Variants in EXD3 observed in about 807,000 individuals in gnomAD.
EXD3 encodes exonuclease 3'-5' domain containing 3, also known as exonuclease mut-7 homolog.
In EXD3, 92 loss-of-function variants were observed where a neutral mutation model predicts 98.0. The ratio of observed to expected loss-of-function variants is 0.94; its 90% confidence interval spans 0.79 to 1.12. EXD3 has a LOEUF of 1.12. Among genes scored for constraint, EXD3 ranks in the 50% most tolerant of loss-of-function variants. EXD3 has a pLI of 0.00. For missense variants in EXD3, 1,222 were observed against 1,191.6 expected, an observed-to-expected ratio of 1.03 and a Z score of -0.38; for synonymous variants, 569 against 526.0, an observed-to-expected ratio of 1.08 and a Z score of -1.12.
chr9:137,348,912 A>AC lies in EXD3; in HGVS notation c.1830+197dup, dbSNP rs1042271144. On this transcript the variant is annotated intron_variant, in intron 16 of 21. Coordinates refer to ENST00000340951, the MANE Select transcript of EXD3 (RefSeq NM_017820.5). ...GGGCACGGCTGCCTCCTGAGCAGTG[A>AC]CCCCCCAGGCAAGCGCAGCCCCCGT... Among the ~76,000 whole-genome samples the AC allele has an allele frequency of 1.1e-4, 16 of 151,586 alleles. 1 individual carries two copies. Among genetic ancestry groups the AC allele is most frequent in the East Asian group, 9.7e-4 (5 of 5,136 alleles).
Position 137,393,042 on chromosome 9 carries a change from CA to C in EXD3, c.55+2260del. 1 of 651,702 alleles carries C rather than the reference CA, an allele frequency of 1.5e-6. No individual in the cohort carries two copies. Among genetic ancestry groups the C allele is most frequent in the East Asian group, 2.8e-5 (1 of 36,276 alleles). 40.4% of individuals were successfully genotyped at this position (651,702 alleles called of 1,614,324 possible). On this transcript the variant is annotated intron_variant, in intron 2 of 21. Coordinates refer to ENST00000340951, the MANE Select transcript of EXD3 (RefSeq NM_017820.5). This position sits in a 1 kb window ranked among gnomAD's most constrained non-coding sequence, Gnocchi z 4.6. Reference sequence around the variant, plus strand: ...GTTCCAGGGAGGGCCATTAGTGTTCCAGGGGGTGCTGAGGCTGTTCCAGGGG... The same window carrying C: ...GTTCCAGGGAGGGCCATTAGTGTTCCGGGGGTGCTGAGGCTGTTCCAGGGG...
chr9:137,393,359 C>T lies in EXD3; in HGVS notation c.55+1944G>A, dbSNP rs781176464. Reference sequence around the variant, plus strand: ...CCCACACAGGTGCAGGCCCGGGGCCCGCAGATGGCCTCAGAGGAGGCGGTG... The same window carrying T: ...CCCACACAGGTGCAGGCCCGGGGCCTGCAGATGGCCTCAGAGGAGGCGGTG... On this transcript the variant is annotated intron_variant, in intron 2 of 21. Transcript: ENST00000340951. This position sits in a 1 kb window ranked among gnomAD's most constrained non-coding sequence, Gnocchi z 4.6. The T allele has an allele frequency of 1.2e-4, 82 of 659,350 alleles. No homozygotes were observed. Among genetic ancestry groups the T allele is most frequent in the East Asian group, 9.8e-4 (36 of 36,616 alleles). The allele number at this position is 659,350 out of a possible 1,614,324, so 40.8% of individuals were successfully genotyped here. A position where few individuals can be genotyped will look rare whatever the true frequency, so the allele number is the denominator to read the frequency against.
At chr9:137,344,648 G>A (rs1337882901) in intron 17 of EXD3, among the ~76,000 whole-genome samples, 1 of 152,178 alleles carries the variant, frequency 6.6e-6, no homozygotes, top group Non-Finnish European at 1.5e-5. Context: ...AGCATCTTTT[G>A]CCATCTGGAC....
intron 17 of EXD3, among the ~76,000 whole-genome samples, chr9:137,328,077 T>A (rs1588259867): frequency 1.4e-5 from 2 of 141,698 alleles, no homozygotes; most frequent in African/African-American, 2.6e-5. Flanking sequence ...ACAACTAACA[T>A]ACTCCCATAT....
chr9:137,322,143 C>T (rs1296510157), intron 19 of EXD3, among the ~76,000 whole-genome samples: 2 of 152,186 alleles, frequency 1.3e-5, no homozygotes, highest in Non-Finnish European at 2.9e-5. Context: ...ACCAAGCAGA[C>T]GCAGGCTGTC....
In EXD3 at chr9:137,385,972, T is replaced by C. The variant is rs969281606; in HGVS notation, c.56-2595A>G. 3.9e-5 allele frequency among the ~76,000 whole-genome samples: 6 copies of C among 152,092 alleles called. No homozygotes were observed. Among genetic ancestry groups the C allele is most frequent in the African/African-American group, 1.2e-4 (5 of 41,420 alleles). ...CAGGAAAGTGGTTAAAATGGTAAAT[T>C]TCATGTTATGTATATTTCACATATT... On this transcript the variant is annotated intron_variant, in intron 2 of 21. Coordinates refer to ENST00000340951, the MANE Select transcript of EXD3 (RefSeq NM_017820.5). The surrounding 1 kb of genome is among the most constrained non-coding windows in gnomAD (Gnocchi z 4.4).
At chr9:137,421,085 G>T (rs1838492415) in intron 1 of EXD3, among the ~76,000 whole-genome samples, 1 of 152,132 alleles carries the variant, frequency 6.6e-6, no homozygotes, top group Admixed American at 6.5e-5. Context: ...CAAAGTGCTG[G>T]GATTACAGGC....
At position 137,338,191 on chromosome 9, in the gene EXD3, G is replaced by A. The variant is rs115155657; in HGVS notation, c.1998+9880C>T. ...AAATTTCCAAAATTGGAAATATACA[G>A]ACTATTTTCCTGAAGTTAGGTTAGA... On this transcript the variant is annotated intron_variant, in intron 17 of 21. Transcript: ENST00000340951. Among the ~76,000 whole-genome samples the A allele has an allele frequency of 6.8e-3, 1,030 of 152,186 alleles. 10 individuals carry two copies. The highest frequency in any genetic ancestry group is 0.023 in the African/African-American group (942 of 41,500).
chr9:137,327,446 T>C (rs969422087), intron 17 of EXD3, among the ~76,000 whole-genome samples: 137 of 152,268 alleles, frequency 9.0e-4, no homozygotes, highest in African/African-American at 3.2e-3. Flanking sequence ...ATGGAGTCTT[T>C]GGGATGATAC....
In EXD3 at chr9:137,373,065, A is replaced by G; in HGVS notation, c.302T>C (p.Leu101Pro). The change falls in exon 5 of 22, where the codon CTG becomes CCG. Residue 101 changes from leucine (L) to proline (P), a missense_variant. By Grantham distance (98) the Leu-to-Pro change is moderately conservative (BLOSUM62 -3). Transcript: ENST00000340951. ...TCGGGCCTGCAGCTGCTTCAGCCTC[A>G]GGCTGTGCTGGAAGAGCAGGGACCC... The part of the protein sequence containing the change: ...QPCPSLAQHS[L>P]RLKQLQARAV... 6.3e-7 allele frequency: 1 copy of G among 1,575,678 alleles called. No individual in the cohort carries two copies. Among genetic ancestry groups the G allele is most frequent in the South Asian group, 1.2e-5 (1 of 86,638 alleles).
chr9:137,336,652 C>T (rs1225456175), intron 17 of EXD3, among the ~76,000 whole-genome samples: 32 of 73,402 alleles, frequency 4.4e-4, no homozygotes, highest in Admixed American at 1.0e-3. Context: ...AGTGAGACTC[C>T]GTCTAAAAAA....
intron 8 of EXD3, among the ~76,000 whole-genome samples, chr9:137,355,476 G>GAAGGAGGAAGGAGGAAGGAGGAAGGAGA (rs1564508144): frequency 2.8e-5 from 2 of 72,114 alleles, no homozygotes; most frequent in African/African-American, 6.0e-5. Flanking sequence ...GAGGAAGGAG[G>GAAGGAGGAAGGAGGAAGGAGGAAGGAGA]AAGGAGGAAG....
At chr9:137,390,059 T>C (rs1258484878) in intron 2 of EXD3, among the ~76,000 whole-genome samples, 3 of 130,162 alleles carry the variant, frequency 2.3e-5, no homozygotes, top group Non-Finnish European at 3.1e-5. Context: ...GAGGTGGAGG[T>C]TGCAGTGAGC....
chr9:137,416,990 G>A (rs1385730577), intron 1 of EXD3, among the ~76,000 whole-genome samples: 1 of 152,208 alleles, frequency 6.6e-6, no homozygotes, highest in Non-Finnish European at 1.5e-5. Context: ...CTCCACGGGA[G>A]GGTCTGACCA....
At chr9:137,327,552 T>C (rs1396616501) in intron 17 of EXD3, among the ~76,000 whole-genome samples, 1 of 152,058 alleles carries the variant, frequency 6.6e-6, no homozygotes, top group South Asian at 2.1e-4. Context: ...AAATGGTCAA[T>C]TTCGTGTTAT....
chr9:137,366,745 C>A, intron 6 of EXD3, 113 bp from the exon 7 acceptor site: 1 of 1,351,220 alleles, frequency 7.4e-7, no homozygotes, highest in Non-Finnish European at 9.9e-7. Context: ...GCCCAGAGGC[C>A]GTCCAGGCCC....
At chr9:137,330,133 C>T (rs1461092834) in intron 17 of EXD3, among the ~76,000 whole-genome samples, 2 of 118,722 alleles carry the variant, frequency 1.7e-5, no homozygotes, top group Non-Finnish European at 3.4e-5. Flanking sequence ...ACAGGAGCTA[C>T]ACAGGAACTA....
At chr9:137,365,912 C>T (rs1835222653) in intron 7 of EXD3, 1 of 411,068 alleles carries the variant, frequency 2.4e-6, no homozygotes, top group Non-Finnish European at 4.8e-6. Flanking sequence ...CATACATGCA[C>T]ACACATGCAC....
chr9:137,373,212 G>T, intron 4 of EXD3, 140 bp from the exon 5 acceptor site: 1 of 1,175,826 alleles, frequency 8.5e-7, no homozygotes, highest in Non-Finnish European at 1.2e-6. Flanking sequence ...CAGGGCTGGG[G>T]CACGGGAGGG....
Sources: allele counts gnomAD v4.1 joint callset (sites outside exome capture counted in the v4.1 genomes callset), GRCh38; gene constraint gnomAD v4.1.1; non-coding constraint Gnocchi (gnomAD v3.1); transcripts MANE v1.5; gene names NCBI Gene and HGNC (gene_info 2026-07-23, HGNC 2026-07-21).